The following BCAP29 variants were observed in gnomAD, a reference collection of about 807,000 sequenced individuals.
The protein encoded by BCAP29 is B cell receptor associated protein 29, also known as B-cell receptor-associated protein 29.
BCAP29 carries 34 observed loss-of-function variants against 31.8 expected under a neutral mutation model. That is an observed-to-expected ratio of 1.07 (90% CI 0.81 to 1.42). BCAP29 has a LOEUF of 1.42. Ranked by LOEUF, BCAP29 falls within the 40% of genes most tolerant of loss-of-function variation. BCAP29 has a pLI of 0.00. For missense variants in BCAP29, 314 were observed against 269.2 expected (o/e 1.17, Z -1.16); for synonymous variants, 104 against 91.3 (o/e 1.14, Z -0.79).
chr7:107,591,513 A>C (rs1021103967), intron 3 of BCAP29, among the ~76,000 whole-genome samples: 2 of 151,844 alleles, frequency 1.3e-5, no homozygotes, highest in African/African-American at 2.4e-5. Flanking sequence ...CTGCCAGTCT[A>C]CCCTCCAGAT....
chr7:107,601,087 C>A (rs1025083432), intron 6 of BCAP29, among the ~76,000 whole-genome samples: 1 of 151,722 alleles, frequency 6.6e-6, no homozygotes, highest in Non-Finnish European at 1.5e-5. Flanking sequence ...GCAATTTCTT[C>A]TACATTAAAA....
chr7:107,585,835 A>G (rs1807562530), intron 3 of BCAP29, among the ~76,000 whole-genome samples: 1 of 152,186 alleles, frequency 6.6e-6, no homozygotes, highest in Non-Finnish European at 1.5e-5. Flanking sequence ...TACCAAAAAT[A>G]CAAAAATTAG....
At chr7:107,623,308 C>T (rs1226511311), downstream of BCAP29, 1 of 152,150 alleles carries the variant, frequency 6.6e-6, no homozygotes, top group Non-Finnish European at 1.5e-5. Context: ...AAATTACATC[C>T]TCTACTGTCT....
chr7:107,585,325 T>C (rs1022103412), intron 3 of BCAP29, among the ~76,000 whole-genome samples: 2 of 152,212 alleles, frequency 1.3e-5, no homozygotes, highest in African/African-American at 2.4e-5. Flanking sequence ...GAAGGGATGG[T>C]ATTGTCAAAA....
chr7:107,591,657 C>CACACACACACA (rs1554475285), intron 3 of BCAP29, among the ~76,000 whole-genome samples: 4 of 69,802 alleles, frequency 5.7e-5, no homozygotes, highest in East Asian at 4.2e-4. Flanking sequence ...CACACACACA[C>CACACACACACA]CCTATTGGTT....
rs764122441 is a variant in BCAP29, at chr7:107,618,390, C to T, written c.*27C>T. On this transcript the variant is annotated 3_prime_UTR_variant, in exon 8 of 8. Transcript: ENST00000005259. ...CTTTATAAAAGACACTTGCAATATA[C>T]TGTGTCAAAATGATAATTTTGTTAT... The T allele has an allele frequency of 6.2e-7, 1 of 1,611,374 alleles. No homozygotes were observed. Among genetic ancestry groups the T allele is most frequent in the South Asian group, 1.1e-5 (1 of 90,892 alleles).
At chr7:107,587,084 A>AGTGTGTGCATACAAGT (rs1807839377) in intron 3 of BCAP29, among the ~76,000 whole-genome samples, 1 of 152,018 alleles carries the variant, frequency 6.6e-6, no homozygotes, top group African/African-American at 2.4e-5. Context: ...ACACTAACTG[A>AGTGTGTGCATACAAGT]GTGTGTGCAT....
At chr7:107,590,202 C>T (rs1563128081) in intron 3 of BCAP29, among the ~76,000 whole-genome samples, 1 of 151,514 alleles carries the variant, frequency 6.6e-6, no homozygotes, top group African/African-American at 2.4e-5. Flanking sequence ...TTTTAGTTTC[C>T]ACCTTAATAA....
chr7:107,593,815 A>T, intron 3 of BCAP29, 140 bp from the exon 4 acceptor site: 1 of 744,560 alleles, frequency 1.3e-6, no homozygotes, highest in Non-Finnish European at 2.1e-6. Context: ...CGGGTACTGT[A>T]GACGGAATGA....
At chr7:107,592,499 T>A (rs993509582) in intron 3 of BCAP29, among the ~76,000 whole-genome samples, 1 of 152,230 alleles carries the variant, frequency 6.6e-6, no homozygotes, top group Non-Finnish European at 1.5e-5. Flanking sequence ...TGTAAAGTAG[T>A]ACAGCTGCTT....
chr7:107,592,424 AAT>A (rs1262634455), intron 3 of BCAP29, among the ~76,000 whole-genome samples: 4 of 152,354 alleles, frequency 2.6e-5, no homozygotes, highest in Admixed American at 2.0e-4. Context: ...TATAATCAAA[AAT>A]ATAATAACAA....
intron 5 of BCAP29, among the ~76,000 whole-genome samples, chr7:107,596,796 C>T (rs1809901145): frequency 6.6e-6 from 1 of 151,856 alleles, no homozygotes; most frequent in Non-Finnish European, 1.5e-5. Context: ...TTAGTCTTGC[C>T]CTTTTAAAAA....
At chr7:107,605,376 C>T (rs1050520678) in intron 6 of BCAP29, among the ~76,000 whole-genome samples, 1 of 152,124 alleles carries the variant, frequency 6.6e-6, no homozygotes, top group Non-Finnish European at 1.5e-5. Context: ...AGATGGTAAA[C>T]CAAACATATG....
chr7:107,580,106 A>G (rs1056609044), upstream of BCAP29: 4 of 152,218 alleles, frequency 2.6e-5, no homozygotes, highest in Middle Eastern at 3.1e-3. Flanking sequence ...CCTGCCGCCA[A>G]TTAGAAAACA....
chr7:107,616,816 G>A (rs532380416), intron 7 of BCAP29, among the ~76,000 whole-genome samples: 1 of 152,228 alleles, frequency 6.6e-6, no homozygotes, highest in African/African-American at 2.4e-5. Flanking sequence ...TCAGCTCGCT[G>A]CAACCTCCAC....
intron 5 of BCAP29, among the ~76,000 whole-genome samples, chr7:107,598,079 A>G (rs191635771): frequency 6.6e-6 from 1 of 152,336 alleles, no homozygotes; most frequent in Admixed American, 6.5e-5. Context: ...GCAAGTTTAC[A>G]GGTGCAGTAG....
At position 107,619,617 on chromosome 7, in the gene BCAP29, T is replaced by C. The variant is rs1814735270; in HGVS notation, c.*1254T>C. The C allele has an allele frequency of 6.6e-6, 1 of 152,092 alleles. No homozygotes were observed. The highest frequency in any genetic ancestry group is 6.6e-5 in the Admixed American group (1 of 15,262). The allele number at this position is 152,092 out of a possible 1,614,324, so 9.4% of individuals were successfully genotyped here. On this transcript the variant is annotated 3_prime_UTR_variant, in exon 8 of 8. Coordinates refer to ENST00000005259, the MANE Select transcript of BCAP29 (RefSeq NM_018844.4). The stretch of plus-strand genomic sequence containing the variant: ...GAGTTACTGCTAAAAAACAGACATG[T>C]AGGAGACATTCAACAGGAGTATGAA...
intron 5 of BCAP29, among the ~76,000 whole-genome samples, chr7:107,599,249 A>ATT (rs1810582460): frequency 7.8e-6 from 1 of 127,620 alleles, no homozygotes; most frequent in African/African-American, 3.1e-5. Context: ...ATATATAAAT[A>ATT]TATATAATTT....
At chr7:107,584,794 G>A (rs1175688476) in intron 3 of BCAP29, among the ~76,000 whole-genome samples, 2 of 152,172 alleles carry the variant, frequency 1.3e-5, no homozygotes, top group Non-Finnish European at 2.9e-5. Flanking sequence ...GGGAATTTTT[G>A]TTAACTTTAG....
Sources: allele counts gnomAD v4.1 joint callset (sites outside exome capture counted in the v4.1 genomes callset), GRCh38; gene constraint gnomAD v4.1.1; transcripts MANE v1.5; gene names NCBI Gene and HGNC (gene_info 2026-07-23, HGNC 2026-07-21).